The following STAG1 variants were observed in gnomAD, a reference collection of about 807,000 sequenced individuals.
The protein encoded by STAG1 is cohesin subunit SA-1.
Under a neutral mutation model 170.9 loss-of-function variants are expected in STAG1, and 26 were observed. The ratio of observed to expected loss-of-function variants is 0.15; its 90% CI spans 0.11 to 0.21. The LOEUF is 0.21. STAG1 is among the 10% of genes least tolerant of loss of function. The pLI is 1.00. For missense variants in STAG1, 964 were observed against 1,509.5 expected, an observed-to-expected ratio of 0.64 and a Z score of 5.99; for synonymous variants, 514 against 497.7, an observed-to-expected ratio of 1.03 and a Z score of -0.44.
At chr3:136,631,805 A>G (rs1397589424) in intron 1 of STAG1, among the ~76,000 whole-genome samples, 2 of 152,208 alleles carry the variant, frequency 1.3e-5, no homozygotes, top group Non-Finnish European at 2.9e-5. Flanking sequence ...ATCAAATGGA[A>G]TAACACAGGT....
In STAG1 at chr3:136,464,903, C is replaced by A; in HGVS notation, c.1291G>T (p.Ala431Ser). The change falls in exon 13 of 34, where the codon GCT (alanine) becomes TCT (serine). Residue 431 changes from alanine to serine, a missense_variant. Ala to Ser is a moderately conservative substitution (Grantham distance 99). Coordinates refer to ENST00000383202, the MANE Select transcript of STAG1 (RefSeq NM_005862.3). ...CACTTTTTGTGAAGGAACTCTCCAG[C>A]TGCCACAGCAACAGGGCGATGTGCC... Reference protein sequence around the residue: ...YSAHRPVAVAAGEFLHKKLFS... With the variant: ...YSAHRPVAVASGEFLHKKLFS... 2 of 1,612,308 alleles carry A rather than the reference C, an allele frequency of 1.2e-6. No individual in the cohort carries two copies. The highest frequency in any genetic ancestry group is 2.2e-5 in the East Asian group (1 of 44,832).
At chr3:136,573,456 GAAT>G (rs1314066873) in intron 4 of STAG1, among the ~76,000 whole-genome samples, 1 of 152,024 alleles carries the variant, frequency 6.6e-6, no homozygotes, top group African/African-American at 2.4e-5. Flanking sequence ...GCAAAGGATA[GAAT>G]AATGACACAC....
At chr3:136,407,304 C>T (rs1459718104) in intron 21 of STAG1, among the ~76,000 whole-genome samples, 2 of 152,152 alleles carry the variant, frequency 1.3e-5, no homozygotes, top group Non-Finnish European at 2.9e-5. Context: ...GGATTACAGG[C>T]GTAAGCCACT....
At chr3:136,381,666 AT>A (rs890891818) in intron 22 of STAG1, among the ~76,000 whole-genome samples, 13 of 151,562 alleles carry the variant, frequency 8.6e-5, no homozygotes, top group Middle Eastern at 3.2e-3. Context: ...AGGTTGATGG[AT>A]TTTTTTTTGG....
chr3:136,591,097 G>C (rs1938143267), intron 4 of STAG1, among the ~76,000 whole-genome samples: 1 of 150,858 alleles, frequency 6.6e-6, no homozygotes, highest in African/African-American at 2.4e-5. Flanking sequence ...TAAGAAAGTT[G>C]CTGCAAAATT....
At chr3:136,446,810 A>ATT (rs112662658) in intron 14 of STAG1, among the ~76,000 whole-genome samples, 11 of 142,862 alleles carry the variant, frequency 7.7e-5, no homozygotes, top group African/African-American at 2.8e-4. Flanking sequence ...TCTCTTTCAT[A>ATT]TTTTTTTTTT....
intron 3 of STAG1, among the ~76,000 whole-genome samples, chr3:136,611,373 T>C (rs1939267300): frequency 6.6e-6 from 1 of 152,074 alleles, no homozygotes; most frequent in Non-Finnish European, 1.5e-5. Flanking sequence ...GGTCTCGAAC[T>C]CCCGACCTCA....
chr3:136,509,257 C>T (rs2107880885), intron 7 of STAG1, among the ~76,000 whole-genome samples: 1 of 152,290 alleles, frequency 6.6e-6, no homozygotes, highest in East Asian at 1.9e-4. Context: ...GCAAGATAAT[C>T]AGCTAAATGT....
intron 5 of STAG1, among the ~76,000 whole-genome samples, chr3:136,542,619 A>G (rs1185519234): frequency 2.0e-5 from 3 of 151,728 alleles, no homozygotes; most frequent in Non-Finnish European, 4.4e-5. Context: ...TGACTAACAC[A>G]TGTGCAAAGT....
At chr3:136,433,813 A>C (rs1292013045) in intron 15 of STAG1, among the ~76,000 whole-genome samples, 154 bp from the exon 16 acceptor site, 1 of 152,060 alleles carries the variant, frequency 6.6e-6, no homozygotes, top group East Asian at 1.9e-4. Context: ...TTTTTTTTTA[A>C]AGTAATTATG....
intron 28 of STAG1, among the ~76,000 whole-genome samples, chr3:136,354,666 AT>A (rs1411780090): frequency 1.0e-4 from 15 of 149,922 alleles, no homozygotes; most frequent in African/African-American, 3.7e-4. Context: ...AACTAAAAAA[AT>A]ACAATTAAAG....
intron 13 of STAG1, among the ~76,000 whole-genome samples, chr3:136,461,254 T>G (rs2089264988): frequency 2.0e-5 from 3 of 152,130 alleles, no homozygotes; most frequent in Admixed American, 2.0e-4. Flanking sequence ...TGAAAGCCTT[T>G]CCCATAAGAA....
chr3:136,445,661 G>T (rs1418418799), intron 14 of STAG1, among the ~76,000 whole-genome samples: 1 of 152,082 alleles, frequency 6.6e-6, no homozygotes, highest in African/African-American at 2.4e-5. Flanking sequence ...TTGATTATGT[G>T]TATTTCTGTA....
intron 21 of STAG1, among the ~76,000 whole-genome samples, chr3:136,403,081 A>C (rs1576431321): frequency 6.6e-6 from 1 of 151,812 alleles, no homozygotes; most frequent in East Asian, 1.9e-4. Flanking sequence ...TACAAAAATT[A>C]GCTAAGCATG....
intron 29 of STAG1, among the ~76,000 whole-genome samples, chr3:136,346,053 G>A (rs7650075): frequency 0.16 from 24,377 of 152,088 alleles, 3,161 homozygotes; most frequent in African/African-American, 0.36. Flanking sequence ...TGGTAAACTC[G>A]TCTGTCAGCT....
At chr3:136,517,606 A>C (rs1201284351) in intron 7 of STAG1, among the ~76,000 whole-genome samples, 1 of 152,150 alleles carries the variant, frequency 6.6e-6, no homozygotes, top group African/African-American at 2.4e-5. Context: ...AGAAAATCTT[A>C]CCTATTTTTG....
chr3:136,571,036 G>A (rs1304815693), intron 4 of STAG1, among the ~76,000 whole-genome samples: 1 of 152,160 alleles, frequency 6.6e-6, no homozygotes, highest in Non-Finnish European at 1.5e-5. Flanking sequence ...TAATAGAGCA[G>A]ATTAAGAGCA....
At chr3:136,345,799 TA>T (rs1936200651) in intron 29 of STAG1, among the ~76,000 whole-genome samples, 1 of 152,180 alleles carries the variant, frequency 6.6e-6, no homozygotes. Context: ...AGGTTTCTGA[TA>T]TTTTTTTAGA....
chr3:136,655,792 T>G (rs1456620831), intron 1 of STAG1, among the ~76,000 whole-genome samples: 1 of 148,724 alleles, frequency 6.7e-6, no homozygotes, highest in East Asian at 2.0e-4. Flanking sequence ...AAGTAACAAG[T>G]AGAGAAATCA....
Sources: gnomAD v4.1 joint callset for allele counts (sites outside exome capture counted in the v4.1 genomes callset) on GRCh38, gnomAD v4.1.1 for gene constraint, MANE v1.5 for transcripts, NCBI Gene and HGNC (gene_info 2026-07-23, HGNC 2026-07-21) for gene names.